The following PCDHA4 variants were observed in gnomAD, a reference collection of about 807,000 sequenced individuals.
PCDHA4 encodes protocadherin alpha-4.
In PCDHA4, 49 loss-of-function variants were observed where a neutral mutation model predicts 61.4. The observed-to-expected ratio is 0.80, with a 90% CI of 0.63 to 1.01. PCDHA4 has a LOEUF of 1.01. Ranked by LOEUF, PCDHA4 falls within the 50% of genes least tolerant of loss-of-function variation. The pLI, the probability that PCDHA4 is intolerant of heterozygous loss-of-function variation, is 0.00. For missense variants in PCDHA4, 1,254 were observed against 1,235.8 expected (o/e 1.01, Z -0.22); for synonymous variants, 590 against 550.3 (o/e 1.07, Z -1.01).
At chr5:140,950,791 A>T (rs2153690738) in intron 1 of PCDHA4, among the ~76,000 whole-genome samples, 1 of 152,142 alleles carries the variant, frequency 6.6e-6, no homozygotes, top group East Asian at 1.9e-4. Flanking sequence ...CTTTTTAAAT[A>T]TTGTCTGGTT....
chr5:141,000,421 A>ATAT (rs1265241806), intron 3 of PCDHA4, among the ~76,000 whole-genome samples: 11 of 27,980 alleles, frequency 3.9e-4, no homozygotes, highest in South Asian at 1.9e-3. Flanking sequence ...ATATATATAT[A>ATAT]TTTTTTTTTT....
rs1554146062 is a variant in PCDHA4, at chr5:140,852,704, C to G, written c.2385+43132C>G. The G allele has an allele frequency of 8.2e-6, 8 of 978,408 alleles. 1 individual carries two copies. The highest frequency in any genetic ancestry group is 7.4e-6 in the Non-Finnish European group (6 of 811,580). The allele number at this position is 978,408 out of a possible 1,614,324, so 60.6% of individuals were successfully genotyped here. ...AATATAGTCTTATACTTTCAAGTAT[C>G]TTTGTCTTTGCACGTTTTTCAAGTT... On this transcript the variant is annotated intron_variant, in intron 1 of 3. Transcript: ENST00000530339.
chr5:140,959,491 G>A (rs761208761), intron 1 of PCDHA4, among the ~76,000 whole-genome samples: 6 of 151,956 alleles, frequency 3.9e-5, no homozygotes, highest in Non-Finnish European at 7.4e-5. Context: ...TGTTATATAT[G>A]GATCAAACTA....
intron 1 of PCDHA4, chr5:140,859,719 T>C (rs1562546995): frequency 6.5e-6 from 1 of 154,108 alleles, no homozygotes; most frequent in Non-Finnish European, 1.4e-5. Flanking sequence ...CAAAAAAAAA[T>C]TGTGGCAAGA....
At chr5:140,824,610 G>GTCT (rs1768191919) in intron 1 of PCDHA4, 1 of 95,104 alleles carries the variant, frequency 1.1e-5, no homozygotes, top group East Asian at 3.0e-4. Flanking sequence ...GCTAATTAAA[G>GTCT]TTTTTTTTTT....
intron 1 of PCDHA4, among the ~76,000 whole-genome samples, chr5:140,975,393 C>G (rs2096665585): frequency 6.6e-6 from 1 of 152,256 alleles, no homozygotes. Flanking sequence ...TAAGATCCAT[C>G]ACAATCACAG....
At chr5:140,870,952 T>G in intron 1 of PCDHA4, 4 of 1,613,610 alleles carry the variant, frequency 2.5e-6, no homozygotes, top group Non-Finnish European at 3.4e-6. Flanking sequence ...GGCGGGCGGC[T>G]CGCGCATCCC....
intron 1 of PCDHA4, chr5:140,814,980 A>G (rs2126660632): frequency 6.6e-6 from 1 of 152,188 alleles, no homozygotes; most frequent in Non-Finnish European, 1.5e-5. Context: ...CTTAAAGACT[A>G]TTTTGTGTGA....
intron 1 of PCDHA4, chr5:140,968,321 A>G: frequency 6.2e-7 from 1 of 1,613,834 alleles, no homozygotes; most frequent in Non-Finnish European, 8.5e-7. Flanking sequence ...GCTGCCAGTC[A>G]CCTCCTATGT....
intron 1 of PCDHA4, chr5:140,875,396 T>TA (rs1256359492): frequency 1.4e-6 from 2 of 1,478,102 alleles, no homozygotes; most frequent in African/African-American, 2.8e-5. Flanking sequence ...CAGAAAAGGG[T>TA]GACTGCTCAT....
Position 140,967,283 on chromosome 5 carries a change from C to G in PCDHA4, c.2386-11666C>G, listed in dbSNP as rs782468433. The G allele has an allele frequency of 1.7e-5, 27 of 1,613,040 alleles. No homozygotes were observed. The Admixed American group carries it at 3.7e-4, about 22-fold the overall frequency. ...AGCGCGCTTTCACATAGAGAGTGCG[C>G]AGGACCCCGACGTGGGCGCCAACTC... On this transcript the variant is annotated intron_variant, in intron 1 of 3. Transcript: ENST00000530339.
intron 1 of PCDHA4, among the ~76,000 whole-genome samples, chr5:140,970,367 TA>T (rs1554232416): frequency 6.6e-6 from 1 of 152,216 alleles, no homozygotes; most frequent in Non-Finnish European, 1.5e-5. Flanking sequence ...TGATTTGCTA[TA>T]GCTTCAAAAG....
At chr5:140,843,912 C>T in intron 1 of PCDHA4, 1 of 634,402 alleles carries the variant, frequency 1.6e-6, no homozygotes, top group East Asian at 2.9e-5. Flanking sequence ...CAAGTTGGGT[C>T]TATCTTGAAA....
Position 140,807,866 on chromosome 5 carries a change from C to A in PCDHA4, c.679C>A (p.Gln227Lys), listed in dbSNP as rs782155979. ...CAAACCCGAGTTGACTGGCACCGTT[C>A]AGTTACTCATCACAGTACTGGATGC... ...GGKPELTGTV[Q>K]LLITVLDAND... The change falls in exon 1 of 4, where the codon CAG (glutamine) becomes AAG (lysine). Residue 227 changes from glutamine (Q) to lysine (K), a missense_variant. Gln to Lys is a moderately conservative substitution (Grantham distance 53). Transcript: ENST00000530339. 6.2e-7 allele frequency: 1 copy of A among 1,614,132 alleles called. No homozygotes were observed. Among genetic ancestry groups the A allele is most frequent in the Non-Finnish European group, 8.5e-7 (1 of 1,180,008 alleles).
chr5:140,904,039 A>T (rs947456842), intron 1 of PCDHA4, among the ~76,000 whole-genome samples: 5 of 152,138 alleles, frequency 3.3e-5, no homozygotes, highest in Non-Finnish European at 7.4e-5. Context: ...TAACTTTTTA[A>T]TTTTTTTATT....
chr5:140,968,989 C>T, intron 1 of PCDHA4: 1 of 1,614,234 alleles, frequency 6.2e-7, no homozygotes, highest in Non-Finnish European at 8.5e-7. Flanking sequence ...GCACTGCATG[C>T]TGTGGAGGCT....
At chr5:140,831,422 C>A (rs1252502476) in intron 1 of PCDHA4, among the ~76,000 whole-genome samples, 1 of 151,184 alleles carries the variant, frequency 6.6e-6, no homozygotes, top group East Asian at 1.9e-4. Context: ...TACAGTGGTG[C>A]AATAATGGCT....
chr5:140,907,087 G>A (rs1554192866), intron 1 of PCDHA4, among the ~76,000 whole-genome samples: 2 of 152,194 alleles, frequency 1.3e-5, no homozygotes, highest in Non-Finnish European at 2.9e-5. Flanking sequence ...GTGATGGTAA[G>A]TGGTGCCACT....
chr5:140,831,444 C>T (rs1029779683), intron 1 of PCDHA4, among the ~76,000 whole-genome samples: 11 of 151,230 alleles, frequency 7.3e-5, no homozygotes, highest in Admixed American at 1.3e-4. Context: ...ACTGCACCCT[C>T]GAATGCCTGG....
Sources: gnomAD v4.1 joint callset for allele counts (sites outside exome capture counted in the v4.1 genomes callset) on GRCh38, gnomAD v4.1.1 for gene constraint, MANE v1.5 for transcripts, NCBI Gene and HGNC (gene_info 2026-07-23, HGNC 2026-07-21) for gene names.